Variants in PTPRT observed in about 807,000 individuals in gnomAD.
The protein encoded by PTPRT is receptor-type tyrosine-protein phosphatase T.
A neutral mutation model predicts 176.8 loss-of-function variants in PTPRT; 56 were observed. The ratio of observed to expected loss-of-function variants is 0.32; its 90% CI spans 0.26 to 0.40. PTPRT has a LOEUF of 0.40. Ranked by LOEUF, PTPRT falls within the 10% of genes least tolerant of loss-of-function variation. The probability of loss-of-function intolerance (pLI) is 1.00; values close to 1 mark genes in which losing one functional copy is unlikely to be tolerated. For missense variants in PTPRT, 1,540 were observed against 1,908.2 expected (o/e 0.81, Z 3.60); for synonymous variants, 783 against 739.0 (o/e 1.06, Z -0.96).
At chr20:42,251,595 C>T (rs977471150) in intron 13 of PTPRT, among the ~76,000 whole-genome samples, 2 of 151,636 alleles carry the variant, frequency 1.3e-5, no homozygotes, top group African/African-American at 2.4e-5. Flanking sequence ...AGCAATTCAC[C>T]CCTAATAGGG....
intron 9 of PTPRT, among the ~76,000 whole-genome samples, chr20:42,358,931 C>A (rs186894682): frequency 3.2e-4 from 48 of 152,228 alleles, no homozygotes; most frequent in Non-Finnish European, 6.0e-4. Context: ...TAATGAACTA[C>A]TCAAGTGTAT....
chr20:42,125,944 T>A (rs555168156), intron 19 of PTPRT, among the ~76,000 whole-genome samples: 4 of 145,016 alleles, frequency 2.8e-5, no homozygotes, highest in African/African-American at 1.0e-4. Flanking sequence ...CGAGGAGAAA[T>A]GGAAGGAATC....
At chr20:43,036,570 CA>C (rs5841486) in intron 1 of PTPRT, among the ~76,000 whole-genome samples, 48,230 of 150,850 alleles carry the variant, frequency 0.32, 10,605 homozygotes, top group African/African-American at 0.62. Flanking sequence ...TAAGAATTTA[CA>C]AAAAAAAACC....
intron 7 of PTPRT, among the ~76,000 whole-genome samples, chr20:42,534,036 C>T (rs891040004): frequency 6.6e-6 from 1 of 152,198 alleles, no homozygotes; most frequent in Non-Finnish European, 1.5e-5. Context: ...TGAAGGAAGA[C>T]AGGTCACCTG....
chr20:42,196,904 T>G (rs1383192437), intron 16 of PTPRT, among the ~76,000 whole-genome samples: 1 of 152,202 alleles, frequency 6.6e-6, no homozygotes, highest in Non-Finnish European at 1.5e-5. Context: ...AACTCAAACT[T>G]ACCATCACTG....
chr20:42,110,493 G>T lies in PTPRT; in HGVS notation c.3100-6C>A. On this transcript the variant is annotated splice_polypyrimidine_tract_variant and splice_region_variant and intron_variant, in intron 22 of 30. Transcript: ENST00000373187. ...CGGATCTCATGGTAGCCTTTCTGAG[G>T]AAAGAACGGGCCTCTGTTCTTCCAG... is the stretch of plus-strand genomic sequence containing the variant. 6.3e-7 allele frequency: 1 copy of T among 1,596,230 alleles called. No individual in the cohort carries two copies. The highest frequency in any genetic ancestry group is 8.6e-7 in the Non-Finnish European group (1 of 1,169,212).
intron 16 of PTPRT, among the ~76,000 whole-genome samples, chr20:42,194,137 T>C (rs1424709198): frequency 6.6e-6 from 1 of 152,182 alleles, no homozygotes; most frequent in African/African-American, 2.4e-5. Context: ...TCGTAAACTA[T>C]GAAAGGCTTA....
intron 7 of PTPRT, among the ~76,000 whole-genome samples, chr20:42,588,808 T>C (rs1042501802): frequency 6.6e-6 from 1 of 152,144 alleles, no homozygotes; most frequent in Non-Finnish European, 1.5e-5. Context: ...AATTAATACC[T>C]AACTAAGTGT....
chr20:42,529,250 T>G (rs1274079900), intron 7 of PTPRT, among the ~76,000 whole-genome samples: 1 of 152,134 alleles, frequency 6.6e-6, no homozygotes, highest in Non-Finnish European at 1.5e-5. Context: ...AGTTTAAAAA[T>G]CCGCTTGGTA....
At chr20:43,183,901 G>C (rs2015326374) in intron 1 of PTPRT, among the ~76,000 whole-genome samples, 1 of 152,222 alleles carries the variant, frequency 6.6e-6, no homozygotes, top group Non-Finnish European at 1.5e-5. Context: ...CCCTTGGAGG[G>C]ATGATGGACA....
intron 1 of PTPRT, among the ~76,000 whole-genome samples, chr20:42,995,094 G>A (rs1984148717): frequency 6.6e-6 from 1 of 152,208 alleles, no homozygotes; most frequent in African/African-American, 2.4e-5. Context: ...TGACTAAGAT[G>A]AAAGGACATT....
Position 42,994,536 on chromosome 20 carries a change from G to A in PTPRT, c.89-108604C>T, listed in dbSNP as rs146805758. Among the ~76,000 whole-genome samples, 226 of 151,950 alleles carry A rather than the reference G, an allele frequency of 1.5e-3. 1 individual carries two copies. The highest frequency in any genetic ancestry group is 0.012 in the South Asian group (59 of 4,804). ...GAACAATACAATTTTTTGTTATACA[G>A]GCTGTCTCATACCTTAGAGAGCCAG... On this transcript the variant is annotated intron_variant, in intron 1 of 30. Coordinates refer to ENST00000373187, the MANE Select transcript of PTPRT (RefSeq NM_007050.6).
intron 1 of PTPRT, among the ~76,000 whole-genome samples, chr20:42,932,085 G>A (rs1350411473): frequency 6.6e-6 from 1 of 152,252 alleles, no homozygotes; most frequent in Non-Finnish European, 1.5e-5. Flanking sequence ...GTCAGAGGGT[G>A]AGAAACAGAG....
intron 7 of PTPRT, among the ~76,000 whole-genome samples, chr20:42,575,230 G>A (rs1323951812): frequency 6.6e-6 from 1 of 152,182 alleles, no homozygotes; most frequent in Non-Finnish European, 1.5e-5. Context: ...GTGATGGGGG[G>A]CAGCAAGTGA....
rs190335042 is a variant in PTPRT at position 42,798,861 on chromosome 20, C to A, written c.215-7395G>T. 9.5e-4 allele frequency among the ~76,000 whole-genome samples: 144 copies of A among 151,834 alleles called. 1 individual carries two copies. The highest frequency in any genetic ancestry group is 3.3e-3 in the African/African-American group (135 of 41,402). On this transcript the variant is annotated intron_variant, in intron 2 of 30. Coordinates refer to ENST00000373187, the MANE Select transcript of PTPRT (RefSeq NM_007050.6). Reference sequence around the variant, plus strand: ...TAATGTCGTTTAAATATGGTATTAACCCCCAGTGATTGGATTTGAAGGCGC... The same window carrying A: ...TAATGTCGTTTAAATATGGTATTAAACCCCAGTGATTGGATTTGAAGGCGC...
intron 2 of PTPRT, among the ~76,000 whole-genome samples, chr20:42,850,585 C>T (rs1600472204): frequency 1.3e-5 from 2 of 152,182 alleles, no homozygotes; most frequent in African/African-American, 4.8e-5. Context: ...CAGTGGTAGG[C>T]AGTCAGTCCT....
chr20:42,916,336 T>G (rs907217016), intron 1 of PTPRT, among the ~76,000 whole-genome samples: 12 of 152,212 alleles, frequency 7.9e-5, no homozygotes, highest in African/African-American at 1.9e-4. Context: ...GGTGTATATG[T>G]GCCACATTTT....
intron 12 of PTPRT, among the ~76,000 whole-genome samples, chr20:42,285,478 A>G (rs2147067617): frequency 6.6e-6 from 1 of 152,190 alleles, no homozygotes; most frequent in African/African-American, 2.4e-5. Flanking sequence ...TTCACTTTAA[A>G]GAAATTCAGT....
intron 7 of PTPRT, among the ~76,000 whole-genome samples, chr20:42,481,927 T>G (rs2071394419): frequency 6.6e-6 from 1 of 151,982 alleles, no homozygotes; most frequent in Non-Finnish European, 1.5e-5. Context: ...GTACTTATGG[T>G]GTGTTCTTGA....
Sources: allele counts gnomAD v4.1 joint callset (sites outside exome capture counted in the v4.1 genomes callset), GRCh38; gene constraint gnomAD v4.1.1; transcripts MANE v1.5; gene names NCBI Gene and HGNC (gene_info 2026-07-23, HGNC 2026-07-21).